The following BNC2 variants were observed in gnomAD, a reference collection of about 807,000 sequenced individuals.
BNC2 encodes the protein zinc finger protein basonuclin-2.
In BNC2, 20 loss-of-function variants were observed where a neutral mutation model predicts 76.3. That is an observed-to-expected ratio of 0.26 (90% CI 0.18 to 0.38). The LOEUF (loss-of-function observed/expected upper bound fraction) is 0.38. Among genes scored for constraint, BNC2 ranks in the 10% least tolerant of loss-of-function variants. The probability of loss-of-function intolerance (pLI) is 1.00; values close to 1 mark genes in which losing one functional copy is unlikely to be tolerated. For synonymous variants in BNC2, 582 were observed against 514.8 expected, an observed-to-expected ratio of 1.13 and a Z score of -1.77; for missense variants, 1,382 against 1,399.8, an observed-to-expected ratio of 0.99 and a Z score of 0.20.
chr9:16,480,488 G>C (rs1053863218), intron 5 of BNC2, among the ~76,000 whole-genome samples: 11 of 152,320 alleles, frequency 7.2e-5, no homozygotes, highest in East Asian at 3.9e-4. Flanking sequence ...CGGCTCCCTC[G>C]GCTTGCAGGG....
intron 5 of BNC2, among the ~76,000 whole-genome samples, chr9:16,487,322 T>A (rs894384685): frequency 3.9e-5 from 6 of 152,196 alleles, no homozygotes; most frequent in Non-Finnish European, 7.3e-5. Context: ...GGAGTGTTAC[T>A]CTCGGGTCCT....
intron 5 of BNC2, among the ~76,000 whole-genome samples, chr9:16,460,875 A>G (rs1399668536): frequency 3.9e-5 from 6 of 152,030 alleles, no homozygotes; most frequent in African/African-American, 1.5e-4. Flanking sequence ...CACTCCATAA[A>G]TGGTTGTTCA....
At chr9:16,437,938 A>C (rs1366337153) in intron 5 of BNC2, among the ~76,000 whole-genome samples, 1 of 152,224 alleles carries the variant, frequency 6.6e-6, no homozygotes, top group Non-Finnish European at 1.5e-5. Flanking sequence ...TTAAATAGTG[A>C]TACTATAGGA....
intron 3 of BNC2, among the ~76,000 whole-genome samples, chr9:16,725,697 A>T (rs1824295670): frequency 1.4e-5 from 2 of 144,988 alleles, no homozygotes; most frequent in Admixed American, 1.4e-4. Context: ...ATATGCACAC[A>T]CAGGTACACA....
chr9:16,781,534 G>A (rs1043238752), intron 1 of BNC2, among the ~76,000 whole-genome samples: 5 of 152,270 alleles, frequency 3.3e-5, no homozygotes, highest in Middle Eastern at 6.8e-3. Flanking sequence ...GTAGAGACGG[G>A]GTTTCGTTGT....
chr9:16,450,234 C>G lies in BNC2; in HGVS notation c.670-12710G>C, dbSNP rs191607534. On this transcript the variant is annotated intron_variant, in intron 5 of 6. Coordinates refer to ENST00000380672, the MANE Select transcript of BNC2 (RefSeq NM_017637.6). Reference sequence around the variant, plus strand: ...CACTGCTGCATCACAGTGACCACATCTGCTCTGATAAAATTTACAGGGAAA... The same window carrying G: ...CACTGCTGCATCACAGTGACCACATGTGCTCTGATAAAATTTACAGGGAAA... 3.9e-5 allele frequency among the ~76,000 whole-genome samples: 6 copies of G among 152,308 alleles called. No homozygotes were observed. In the East Asian group the frequency reaches 1.2e-3, roughly 29 times the overall value.
At chr9:16,752,004 G>A (rs1402257132) in intron 1 of BNC2, among the ~76,000 whole-genome samples, 2 of 151,944 alleles carry the variant, frequency 1.3e-5, no homozygotes, top group East Asian at 1.9e-4. Flanking sequence ...ACTCCAGCCT[G>A]GACAACAGAG....
At chr9:16,867,626 C>G (rs2136237023) in intron 1 of BNC2, 1 of 152,248 alleles carries the variant, frequency 6.6e-6, no homozygotes, top group Admixed American at 6.5e-5. Context: ...AAGTCATCAT[C>G]TATTTTGGAC....
rs1820587107 is a variant in BNC2, at chr9:16,416,513, A to C, written c.*2476T>G. The C allele has an allele frequency of 6.6e-6, 1 of 152,646 alleles. No individual in the cohort carries two copies. The highest frequency in any genetic ancestry group is 2.4e-5 in the African/African-American group (1 of 41,462). 9.5% of individuals were successfully genotyped at this position (152,646 alleles called of 1,614,324 possible). On this transcript the variant is annotated 3_prime_UTR_variant, in exon 7 of 7. Transcript: ENST00000380672. ...AACATCTGTCTGTTCAATTTAACAC[A>C]ACACCAAAATAAAGCAATTAAGACT...
At chr9:16,783,010 CA>C (rs1414298768) in intron 1 of BNC2, among the ~76,000 whole-genome samples, 1 of 152,066 alleles carries the variant, frequency 6.6e-6, no homozygotes, top group Non-Finnish European at 1.5e-5. Flanking sequence ...GTACTTTAAG[CA>C]AAAGACAGGT....
intron 3 of BNC2, among the ~76,000 whole-genome samples, chr9:16,653,383 T>C (rs1382635141): frequency 6.6e-6 from 1 of 152,158 alleles, no homozygotes; most frequent in Non-Finnish European, 1.5e-5. Context: ...CTATCTCCTC[T>C]TGCCGCCTTA....
intron 3 of BNC2, among the ~76,000 whole-genome samples, chr9:16,634,926 T>G (rs1821279190): frequency 6.6e-6 from 1 of 152,092 alleles, no homozygotes; most frequent in African/African-American, 2.4e-5. Context: ...ACACCAGCAA[T>G]TTCCTTACAT....
chr9:16,765,130 C>A (rs1436798955), intron 1 of BNC2, among the ~76,000 whole-genome samples: 1 of 152,134 alleles, frequency 6.6e-6, no homozygotes, highest in East Asian at 1.9e-4. Flanking sequence ...CTCTATCGTA[C>A]ACAAATATTT....
rs79086585 is a variant in BNC2 at position 16,671,099 on chromosome 9, G to A, written c.330+56698C>T. On this transcript the variant is annotated intron_variant, in intron 3 of 6. Coordinates refer to ENST00000380672, the MANE Select transcript of BNC2 (RefSeq NM_017637.6). ...TTCCTCAGAAGGCCTCAGAGAGAAT[G>A]AGAACCCATCAGTTGTGGCACTGAT... Among the ~76,000 whole-genome samples the A allele has an allele frequency of 1.5e-3, 235 of 152,138 alleles. 2 individuals are homozygous for A. The highest frequency in any genetic ancestry group is 5.2e-3 in the African/African-American group (216 of 41,508).
chr9:16,457,135 A>T (rs2131164042), intron 5 of BNC2, among the ~76,000 whole-genome samples: 1 of 152,348 alleles, frequency 6.6e-6, no homozygotes, highest in Non-Finnish European at 1.5e-5. Context: ...TGCCTACCTG[A>T]TTACATTATA....
chr9:16,423,933 G>T (rs1820755950), intron 6 of BNC2, among the ~76,000 whole-genome samples: 1 of 152,120 alleles, frequency 6.6e-6, no homozygotes, highest in African/African-American at 2.4e-5. Context: ...GGACTGAGGG[G>T]AGGGTGCTGC....
chr9:16,557,852 T>TG (rs986476014), intron 4 of BNC2, among the ~76,000 whole-genome samples: 3 of 151,906 alleles, frequency 2.0e-5, no homozygotes, highest in African/African-American at 7.3e-5. Flanking sequence ...CTGTTTTTTT[T>TG]TTGTTGTTGT....
intron 5 of BNC2, chr9:16,473,183 G>A (rs1409796545): frequency 6.6e-6 from 1 of 152,216 alleles, no homozygotes; most frequent in African/African-American, 2.4e-5. Flanking sequence ...CTGCAGAAGA[G>A]AAGAAACTAT....
intron 1 of BNC2, among the ~76,000 whole-genome samples, chr9:16,784,686 C>G (rs1221716022): frequency 6.6e-6 from 1 of 152,176 alleles, no homozygotes; most frequent in African/African-American, 2.4e-5. Flanking sequence ...ATCTCAATCA[C>G]TAGAGTATCC....
Sources: allele counts gnomAD v4.1 joint callset (sites outside exome capture counted in the v4.1 genomes callset), GRCh38; gene constraint gnomAD v4.1.1; transcripts MANE v1.5; gene names NCBI Gene and HGNC (gene_info 2026-07-23, HGNC 2026-07-21).